NPHP4: variants seen among roughly 807,000 people sequenced by gnomAD.
NPHP4 encodes the protein nephrocystin-4.
Under a neutral mutation model 155.8 loss-of-function variants are expected in NPHP4, and 151 were observed. That is an observed-to-expected ratio of 0.97 (90% CI 0.85 to 1.11). The LOEUF is 1.11. NPHP4 is among the 50% of genes least tolerant of loss of function. The pLI is 0.00. For synonymous variants in NPHP4, 845 were observed against 816.8 expected, an observed-to-expected ratio of 1.03 and a Z score of -0.59; for missense variants, 1,956 against 1,925.7, an observed-to-expected ratio of 1.02 and a Z score of -0.29.
intron 11 of NPHP4, among the ~76,000 whole-genome samples, chr1:5,912,949 G>A (rs1178155982): frequency 6.6e-6 from 1 of 152,148 alleles, no homozygotes; most frequent in Non-Finnish European, 1.5e-5. Flanking sequence ...AAGAAGAAGA[G>A]CACAGAGCCT....
chr1:5,948,167 G>A lies in NPHP4; in HGVS notation c.895C>T (p.Gln299Ter). 6.2e-7 allele frequency: 1 copy of A among 1,613,140 alleles called. No homozygotes were observed. The highest frequency in any genetic ancestry group is 8.5e-7 in the Non-Finnish European group (1 of 1,179,780). The change falls in exon 8 of 30, where the codon CAG becomes TAG. Residue 299 changes from glutamine (Q) to a stop codon, truncating the protein, a stop_gained. Coordinates refer to ENST00000378156, the MANE Select transcript of NPHP4 (RefSeq NM_015102.5). LOFTEE classifies it high-confidence loss of function. The part of the protein sequence containing the change: ...VGVHNGLGFV[Q>*]RPQVVVLVPE... Reference sequence around the variant, plus strand: ...ACCAGTACAACGACCTGCGGCCTCTGCACGAAGCCCAGACCATTGTGCACG... The same window carrying A: ...ACCAGTACAACGACCTGCGGCCTCTACACGAAGCCCAGACCATTGTGCACG...
intron 16 of NPHP4, among the ~76,000 whole-genome samples, chr1:5,894,578 C>T (rs962685137): frequency 6.6e-6 from 1 of 151,860 alleles, no homozygotes; most frequent in Non-Finnish European, 1.5e-5. Context: ...GAAAATACTA[C>T]TTATCAGTAT....
rs1233334694 is a variant in NPHP4, at chr1:5,867,080, C to T, written c.3508G>A (p.Val1170Ile). The change falls in exon 25 of 30, where the codon GTC (valine) becomes ATC (isoleucine). Residue 1170 changes from valine to isoleucine, a missense_variant. By Grantham distance (29) the Val-to-Ile change is conservative. Transcript: ENST00000378156. The surrounding 1 kb of genome is among the most constrained non-coding windows in gnomAD (Gnocchi z 4.1). ...TTCGGGTCGCTGCAGCGAACATGGA[C>T]TGGGGGGTCCTCACCAAGCATTCCC... ...PVGMLGEDPP[V>I]HVRCSDPNVI... 1 of 1,613,078 alleles carries T rather than the reference C, an allele frequency of 6.2e-7. No homozygotes were observed. The highest frequency in any genetic ancestry group is 8.5e-7 in the Non-Finnish European group (1 of 1,179,576).
intron 1 of NPHP4, among the ~76,000 whole-genome samples, chr1:5,987,389 G>A (rs1243440525): frequency 6.6e-6 from 1 of 152,092 alleles, no homozygotes; most frequent in Non-Finnish European, 1.5e-5. Context: ...GGTTCAACAG[G>A]ATCCTGTCAG....
chr1:5,895,587 C>A (rs1644355883), intron 16 of NPHP4, among the ~76,000 whole-genome samples: 1 of 152,168 alleles, frequency 6.6e-6, no homozygotes, highest in Non-Finnish European at 1.5e-5. Flanking sequence ...CCCGTTAACG[C>A]CCCATTTTGA....
At chr1:5,961,523 T>A (rs779323209) in intron 6 of NPHP4, among the ~76,000 whole-genome samples, 3 of 152,240 alleles carry the variant, frequency 2.0e-5, no homozygotes, top group Non-Finnish European at 4.4e-5. Flanking sequence ...CACAGAGACT[T>A]GAACTCTGTC....
intron 12 of NPHP4, 130 bp downstream of exon 12, chr1:5,909,022 C>A: frequency 1.3e-6 from 1 of 784,350 alleles, no homozygotes; most frequent in Non-Finnish European, 2.2e-6. Context: ...AGCCCCGCCG[C>A]CGCCAGCAGG....
Position 5,910,171 on chromosome 1 carries a change from A to T in NPHP4, c.1442-958T>A, listed in dbSNP as rs911297613. Among the ~76,000 whole-genome samples the T allele has an allele frequency of 2.0e-5, 3 of 151,992 alleles. No homozygotes were observed. On this transcript the variant is annotated intron_variant, in intron 11 of 29. Transcript: ENST00000378156. The surrounding 1 kb of genome is among the most constrained non-coding windows in gnomAD (Gnocchi z 5.4). ...CAAGCCAGACCCCAAGCCCATCCTG[A>T]CGGGGCCACCTCTGCCCACTCAGAG...
chr1:5,986,347 A>G lies in NPHP4; in HGVS notation c.-38-20T>C. On this transcript the variant is annotated intron_variant, in intron 1 of 29. Transcript: ENST00000378156. Reference sequence around the variant, plus strand: ...GATGATCTGTGCCAGTCGTATTCAAATAAAGAGAAGAGCTGTGAGGGCTAC... The same window carrying G: ...GATGATCTGTGCCAGTCGTATTCAAGTAAAGAGAAGAGCTGTGAGGGCTAC... 2 of 1,597,104 alleles carry G rather than the reference A, an allele frequency of 1.3e-6. No homozygotes were observed. Among genetic ancestry groups the G allele is most frequent in the South Asian group, 1.1e-5 (1 of 89,680 alleles).
chr1:5,867,248 G>A lies in NPHP4; in HGVS notation c.3473-133C>T, dbSNP rs533384799. On this transcript the variant is annotated intron_variant, in intron 24 of 29. Coordinates refer to ENST00000378156, the MANE Select transcript of NPHP4 (RefSeq NM_015102.5). This position sits in a 1 kb window ranked among gnomAD's most constrained non-coding sequence, Gnocchi z 4.1. ...TCAGCAAGACACCTGCTGGGGAAAC[G>A]GACGCCGCCACCTTTCCCAGGACAG... The A allele has an allele frequency of 1.2e-4, 78 of 657,476 alleles. 1 individual carries two copies. The highest frequency in any genetic ancestry group is 5.9e-4 in the African/African-American group (33 of 55,562). The allele number at this position is 657,476 out of a possible 1,614,324, so 40.7% of individuals were successfully genotyped here. A position where few individuals can be genotyped will look rare whatever the true frequency, so the allele number is the denominator to read the frequency against.
Position 5,883,322 on chromosome 1 carries a change from G to A in NPHP4, c.2486-3083C>T, listed in dbSNP as rs186129434. Among the ~76,000 whole-genome samples the A allele has an allele frequency of 1.2e-4, 18 of 151,772 alleles. No homozygotes were observed. The East Asian group carries it at 2.7e-3, about 23-fold the overall frequency. ...AAAATGCCACCGATGTTCACGCTCC[G>A]GGCCACGCTGCCCTCCACATGACGA... On this transcript the variant is annotated intron_variant, in intron 18 of 29. Coordinates refer to ENST00000378156, the MANE Select transcript of NPHP4 (RefSeq NM_015102.5).
intron 23 of NPHP4, 184 bp from the exon 24 acceptor site, chr1:5,868,080 A>C (rs2100478103): frequency 1.3e-6 from 1 of 741,402 alleles, no homozygotes; most frequent in Non-Finnish European, 2.4e-6. Flanking sequence ...GGTCTCCACC[A>C]GGAGGGGACC....
intron 23 of NPHP4, among the ~76,000 whole-genome samples, chr1:5,869,555 T>C (rs1056631032): frequency 6.6e-6 from 1 of 152,280 alleles, no homozygotes; most frequent in Admixed American, 6.5e-5. Context: ...AAATCTAAGC[T>C]TCTATCAAGT....
intron 11 of NPHP4, among the ~76,000 whole-genome samples, chr1:5,916,364 T>A (rs957737217): frequency 1.3e-5 from 2 of 152,216 alleles, no homozygotes; most frequent in African/African-American, 4.8e-5. Flanking sequence ...TATGAAAAGT[T>A]TCCATCATAA....
Position 5,865,194 on chromosome 1 carries a change from C to A in NPHP4, c.3724G>T (p.Ala1242Ser), listed in dbSNP as rs370942610. Reference protein sequence around the residue: ...SLQRVDVSCVAGQLTRLSLVL... With the variant: ...SLQRVDVSCVSGQLTRLSLVL... ...AGGGACAGGCGGGTCAGCTGGCCTG[C>A]GACGCAGGAGACATCCACGCGCTGC... is the stretch of plus-strand genomic sequence containing the variant. Residue 1242 changes from alanine (A) to serine (S), a missense_variant, in exon 27 of 30, where the codon GCA becomes TCA. Physicochemically the swap from Ala to Ser is moderately conservative, Grantham distance 99 (BLOSUM62 1). Coordinates refer to ENST00000378156, the MANE Select transcript of NPHP4 (RefSeq NM_015102.5). The A allele has an allele frequency of 3.7e-6, 6 of 1,611,958 alleles. No homozygotes were observed. Among genetic ancestry groups the A allele is most frequent in the Non-Finnish European group, 5.1e-6 (6 of 1,179,136 alleles).
chr1:5,981,677 A>G (rs1654724062), intron 2 of NPHP4, among the ~76,000 whole-genome samples: 1 of 152,192 alleles, frequency 6.6e-6, no homozygotes, highest in South Asian at 2.1e-4. Context: ...ACCATCATCT[A>G]TTTCCAAACT....
At position 5,863,480 on chromosome 1, in the gene NPHP4, G is replaced by T. The variant is rs1640852091; in HGVS notation, c.4141-75C>A. 3.2e-6 allele frequency: 5 copies of T among 1,545,320 alleles called. No individual in the cohort carries two copies. In the Admixed American group the frequency reaches 8.6e-5, roughly 26 times the overall value. ...CTCTCACCAGCAACCTCTCTGCATG[G>T]TCGTGTTTATTTCCAAGGGGAGCTG... is the stretch of plus-strand genomic sequence containing the variant. On this transcript the variant is annotated intron_variant, in intron 29 of 29. Transcript: ENST00000378156.
In NPHP4 at chr1:5,948,183, A is replaced by G. The variant is rs892175467; in HGVS notation, c.879T>C (p.Asn293=). ...LERRLRVGVH[N]GLGFVQRPQV... ...GCGGCCTCTGCACGAAGCCCAGACCATTGTGCACGCCCACACGCAGGCGCC... is the reference window on the plus strand; with the variant it reads ...GCGGCCTCTGCACGAAGCCCAGACCGTTGTGCACGCCCACACGCAGGCGCC... The change falls in exon 8 of 30, where the codon AAT becomes AAC. Residue 293 remains asparagine (N), a synonymous_variant. Transcript: ENST00000378156. The G allele has an allele frequency of 6.2e-7, 1 of 1,612,052 alleles. No individual in the cohort carries two copies. Among genetic ancestry groups the G allele is most frequent in the African/African-American group, 1.3e-5 (1 of 74,920 alleles).
rs557661108 is a variant in NPHP4 at position 5,944,326 on chromosome 1, A to G, written c.1119+2778T>C. 6.6e-6 allele frequency among the ~76,000 whole-genome samples: 1 copy of G among 152,352 alleles called. No homozygotes were observed. The highest frequency in any genetic ancestry group is 1.5e-5 in the Non-Finnish European group (1 of 68,032). On this transcript the variant is annotated intron_variant, in intron 9 of 29. Coordinates refer to ENST00000378156, the MANE Select transcript of NPHP4 (RefSeq NM_015102.5). The surrounding 1 kb of genome is among the most constrained non-coding windows in gnomAD (Gnocchi z 4.3). ...GCTGAAAAAATCCCCACCCAGCTGA[A>G]GAAGGCTGCTCTGGGAGACACTGCT...
Sources: allele counts gnomAD v4.1 joint callset (sites outside exome capture counted in the v4.1 genomes callset), GRCh38; gene constraint gnomAD v4.1.1; non-coding constraint Gnocchi (gnomAD v3.1); transcripts MANE v1.5; gene names NCBI Gene and HGNC (gene_info 2026-07-23, HGNC 2026-07-21).